REC114: variants seen among roughly 807,000 people sequenced by gnomAD.
The protein encoded by REC114 is meiotic recombination protein REC114.
In REC114, 27 loss-of-function variants were observed where a neutral mutation model predicts 31.3. The ratio of observed to expected loss-of-function variants is 0.86; its 90% CI spans 0.64 to 1.19. The LOEUF (loss-of-function observed/expected upper bound fraction) is 1.19, where lower values mean the gene tolerates loss of function less well. REC114 is among the 50% of genes most tolerant of loss of function. REC114 has a pLI of 0.00. For synonymous variants in REC114, 134 were observed against 127.7 expected, an observed-to-expected ratio of 1.05 and a Z score of -0.33; for missense variants, 344 against 326.9, an observed-to-expected ratio of 1.05 and a Z score of -0.40.
intron 1 of REC114, among the ~76,000 whole-genome samples, chr15:73,444,228 T>G (rs907013098): frequency 6.6e-6 from 1 of 152,200 alleles, no homozygotes; most frequent in Non-Finnish European, 1.5e-5. Flanking sequence ...AAGACAACAA[T>G]GCAGTTTGTC....
chr15:73,487,930 G>T (rs1893394122), intron 2 of REC114, among the ~76,000 whole-genome samples: 1 of 152,184 alleles, frequency 6.6e-6, no homozygotes. Context: ...AGTAAAGGTA[G>T]CCATGCCTCC....
intron 2 of REC114, among the ~76,000 whole-genome samples, chr15:73,515,878 CTT>C (rs1478469182): frequency 6.6e-6 from 1 of 152,052 alleles, no homozygotes; most frequent in East Asian, 1.9e-4. Flanking sequence ...TATGGGCTAA[CTT>C]TTATGAATAT....
Position 73,478,263 on chromosome 15 carries a change from CAAAAAAAAAA to C in REC114, c.249+4357_249+4366del, listed in dbSNP as rs57210193. ...TCAGTGACAGAGTGAGACTCTGTCT[CAAAAAAAAAA>C]AAAAAAAAAAAAAAGAATTTGGGTT... is the stretch of plus-strand genomic sequence containing the variant. On this transcript the variant is annotated intron_variant, in intron 2 of 5. Coordinates refer to ENST00000331090, the MANE Select transcript of REC114 (RefSeq NM_001042367.2). Among the ~76,000 whole-genome samples the C allele has an allele frequency of 1.7e-4, 7 of 40,352 alleles. No individual in the cohort carries two copies. The South Asian group carries it at 4.2e-3, about 24-fold the overall frequency. 26.5% of individuals were successfully genotyped at this position (40,352 alleles called of 152,430 possible).
rs1256340175 is a variant in REC114 at position 73,534,880 on chromosome 15, C to G, written c.250-5605C>G. The stretch of plus-strand genomic sequence containing the variant: ...GGATGCAAGGCTGGTTCAATATACG[C>G]AAATCAATAAATGTAATCCAGCACA... On this transcript the variant is annotated intron_variant, in intron 2 of 5. Coordinates refer to ENST00000331090, the MANE Select transcript of REC114 (RefSeq NM_001042367.2). 2.8e-5 allele frequency among the ~76,000 whole-genome samples: 4 copies of G among 143,674 alleles called. No homozygotes were observed. The East Asian group carries it at 6.0e-4, about 21-fold the overall frequency. 94.3% of individuals were successfully genotyped at this position (143,674 alleles called of 152,430 possible).
chr15:73,503,636 T>C (rs1280953353), intron 2 of REC114, among the ~76,000 whole-genome samples: 2 of 152,222 alleles, frequency 1.3e-5, no homozygotes, highest in Non-Finnish European at 2.9e-5. Context: ...AATTACAGGT[T>C]ATCTGGCAGA....
At chr15:73,509,097 C>T (rs1228174870) in intron 2 of REC114, among the ~76,000 whole-genome samples, 2 of 152,136 alleles carry the variant, frequency 1.3e-5, no homozygotes, top group Non-Finnish European at 2.9e-5. Flanking sequence ...CACATCCTCT[C>T]CAGCACCTGT....
intron 2 of REC114, among the ~76,000 whole-genome samples, chr15:73,508,451 T>A (rs1447845725): frequency 1.3e-5 from 2 of 151,808 alleles, no homozygotes; most frequent in Non-Finnish European, 2.9e-5. Context: ...TTTAATTTTT[T>A]TTTTAATTAT....
chr15:73,507,377 T>C (rs546730197), intron 2 of REC114, among the ~76,000 whole-genome samples: 1 of 152,210 alleles, frequency 6.6e-6, no homozygotes, highest in East Asian at 1.9e-4. Flanking sequence ...TTTTTAAAGC[T>C]CATCAGCTAT....
intron 2 of REC114, among the ~76,000 whole-genome samples, chr15:73,515,562 A>C (rs1180802135): frequency 6.6e-6 from 1 of 151,864 alleles, no homozygotes; most frequent in African/African-American, 2.4e-5. Context: ...GGCCTTTGGG[A>C]GGTAATTAGG....
At chr15:73,444,803 G>A (rs1892744356) in intron 1 of REC114, among the ~76,000 whole-genome samples, 1 of 152,146 alleles carries the variant, frequency 6.6e-6, no homozygotes, top group African/African-American at 2.4e-5. Context: ...AGAAGCTATA[G>A]CCTTATAAAA....
intron 2 of REC114, among the ~76,000 whole-genome samples, chr15:73,519,908 A>T (rs1393526128): frequency 6.6e-6 from 1 of 152,242 alleles, no homozygotes; most frequent in Non-Finnish European, 1.5e-5. Context: ...CTTATATGAG[A>T]TGTCTAAAGT....
intron 2 of REC114, among the ~76,000 whole-genome samples, chr15:73,488,766 G>A (rs899067001): frequency 2.0e-5 from 3 of 152,016 alleles, no homozygotes; most frequent in Non-Finnish European, 4.4e-5. Flanking sequence ...CTTTATAGCC[G>A]TCCTCTTCTA....
chr15:73,530,151 T>G (rs184494565), intron 2 of REC114, among the ~76,000 whole-genome samples: 1 of 152,334 alleles, frequency 6.6e-6, no homozygotes, highest in African/African-American at 2.4e-5. Flanking sequence ...AGATATGATA[T>G]TAAGTGTGGA....
chr15:73,461,730 T>A (rs1431235082), intron 1 of REC114, among the ~76,000 whole-genome samples: 2 of 152,070 alleles, frequency 1.3e-5, no homozygotes, highest in Non-Finnish European at 2.9e-5. Flanking sequence ...CTGTGTGTGC[T>A]GCTGTGTTGA....
chr15:73,513,985 T>G (rs1893818064), intron 2 of REC114, among the ~76,000 whole-genome samples: 1 of 152,068 alleles, frequency 6.6e-6, no homozygotes, highest in African/African-American at 2.4e-5. Context: ...AGTTCGAGCT[T>G]CCTGGCTGCT....
chr15:73,505,277 A>T (rs1893659952), intron 2 of REC114, among the ~76,000 whole-genome samples: 1 of 152,196 alleles, frequency 6.6e-6, no homozygotes, highest in Non-Finnish European at 1.5e-5. Context: ...ACATTTGGTC[A>T]GTGTAAATTT....
chr15:73,543,223 G>A (rs976026595), intron 3 of REC114, among the ~76,000 whole-genome samples: 1 of 151,970 alleles, frequency 6.6e-6, no homozygotes, highest in Non-Finnish European at 1.5e-5. Flanking sequence ...TTCAAACTAC[G>A]TATAATTTGT....
At position 73,448,841 on chromosome 15, in the gene REC114, C is replaced by G. The variant is rs571711031; in HGVS notation, c.159+5497C>G. ...TGTTCTGCAGCCTCCGCTGGTGATA[C>G]CCAGGCAAACAGGGTCTGGAGTGGA... On this transcript the variant is annotated intron_variant, in intron 1 of 5. Coordinates refer to ENST00000331090, the MANE Select transcript of REC114 (RefSeq NM_001042367.2). Among the ~76,000 whole-genome samples, 415 of 152,246 alleles carry G rather than the reference C, an allele frequency of 2.7e-3. 2 individuals are homozygous for G. Among genetic ancestry groups the G allele is most frequent in the Non-Finnish European group, 5.1e-3 (346 of 67,998 alleles).
chr15:73,558,239 G>A (rs7171755), intron 5 of REC114, among the ~76,000 whole-genome samples: 68,512 of 151,950 alleles, frequency 0.45, 15,714 homozygotes, highest in East Asian at 0.52. Flanking sequence ...GAGAGTTCCT[G>A]GAGAAATACC....
Sources: allele counts gnomAD v4.1 joint callset (sites outside exome capture counted in the v4.1 genomes callset), GRCh38; gene constraint gnomAD v4.1.1; transcripts MANE v1.5; gene names NCBI Gene and HGNC (gene_info 2026-07-23, HGNC 2026-07-21).